DNAH1: variants seen among roughly 807,000 people sequenced by gnomAD.
The protein encoded by DNAH1 is axonemal beta dynein heavy chain 1.
Under a neutral mutation model 484.3 loss-of-function variants are expected in DNAH1, and 327 were observed. The observed-to-expected ratio is 0.68, with a 90% CI of 0.62 to 0.74. DNAH1 has a LOEUF of 0.74. DNAH1 is among the 30% of genes least tolerant of loss of function. DNAH1 has a pLI of 0.00. For synonymous variants in DNAH1, 2,192 were observed against 2,191.9 expected (o/e 1.00, Z 0.00); for missense variants, 5,052 against 5,546.8 (o/e 0.91, Z 2.83).
chr3:52,386,549 C>T (rs1249948008), intron 55 of DNAH1, 113 bp from the exon 56 acceptor site: 17 of 1,311,478 alleles, frequency 1.3e-5, no homozygotes, highest in South Asian at 1.1e-4. Context: ...TGGATATGCC[C>T]GTGTCCTGTG....
chr3:52,320,616 T>C (rs1329193509), intron 1 of DNAH1, among the ~76,000 whole-genome samples: 1 of 152,124 alleles, frequency 6.6e-6, no homozygotes, highest in Non-Finnish European at 1.5e-5. Context: ...CCATGATCCA[T>C]CAGGAGGCCT....
intron 8 of DNAH1, among the ~76,000 whole-genome samples, chr3:52,341,414 G>C (rs1701935474): frequency 6.6e-6 from 1 of 152,028 alleles, no homozygotes; most frequent in Non-Finnish European, 1.5e-5. Flanking sequence ...GAAGCAGCTG[G>C]TAAAATATGG....
chr3:52,358,427 C>T lies in DNAH1; in HGVS notation c.4087-131C>T, dbSNP rs922281109. The T allele has an allele frequency of 1.7e-5, 17 of 1,028,080 alleles. No homozygotes were observed. Among genetic ancestry groups the T allele is most frequent in the Middle Eastern group, 3.1e-4 (1 of 3,186 alleles). The allele number at this position is 1,028,080 out of a possible 1,614,324, so 63.7% of individuals were successfully genotyped here. On this transcript the variant is annotated intron_variant, in intron 24 of 77. Coordinates refer to ENST00000420323, the MANE Select transcript of DNAH1 (RefSeq NM_015512.5). This position sits in a 1 kb window ranked among gnomAD's most constrained non-coding sequence, Gnocchi z 4.2. Reference sequence around the variant, plus strand: ...GGAAGGCCCAGCCAAGATAGACTCTCGGGGGGACGGGAAGGCAGGGCTTTC... The same window carrying T: ...GGAAGGCCCAGCCAAGATAGACTCTTGGGGGGACGGGAAGGCAGGGCTTTC...
rs140883175 is a variant in DNAH1 at position 52,357,632 on chromosome 3, G to A, written c.3877G>A (p.Asp1293Asn). 330 of 1,600,730 alleles carry A rather than the reference G, an allele frequency of 2.1e-4. 2 individuals are homozygous for A. The highest frequency in any genetic ancestry group is 1.1e-3 in the Admixed American group (62 of 58,422). ...CCTGCAGGTGATCAATGTGTGTTCC[G>A]ACCTGAGAATGCTGGACAGCCTGCG... ...ENREVINVCS[D>N]LRMLDSLRDC... The change falls in exon 23 of 78, where the codon GAC becomes AAC. Residue 1293 changes from aspartate to asparagine, a missense_variant. By Grantham distance (23) the Asp-to-Asn change is conservative. Transcript: ENST00000420323.
Position 52,344,587 on chromosome 3 carries a change from C to T in DNAH1, c.1384C>T (p.Pro462Ser), listed in dbSNP as rs201341419. ...INFDHVVSSK[P>S]ETFSYVTLPK... Reference sequence around the variant, plus strand: ...CTTTGACCACGTTGTCTCTTCCAAGCCCGAGACCTTCTCCTACGTCACCCT... The same window carrying T: ...CTTTGACCACGTTGTCTCTTCCAAGTCCGAGACCTTCTCCTACGTCACCCT... The change falls in exon 9 of 78, where the codon CCC becomes TCC. Residue 462 changes from proline to serine, a missense_variant. Coordinates refer to ENST00000420323, the MANE Select transcript of DNAH1 (RefSeq NM_015512.5). 434 of 1,613,998 alleles carry T rather than the reference C, an allele frequency of 2.7e-4. No individual in the cohort carries two copies. The African/African-American group carries it at 4.9e-3, about 18-fold the overall frequency.
Position 52,372,348 on chromosome 3 carries a change from A to G in DNAH1, c.6788A>G (p.Asn2263Ser), listed in dbSNP as rs140407922. Reference sequence around the variant, plus strand: ...ACCTTCTCAGCCCGCACTTCAGCCAACCAGACCCAGGACTTCATTGACAGC... The same window carrying G: ...ACCTTCTCAGCCCGCACTTCAGCCAGCCAGACCCAGGACTTCATTGACAGC... ...FLTFSARTSA[N>S]QTQDFIDSKL... Residue 2263 changes from asparagine to serine, a missense_variant, in exon 43 of 78, where the codon AAC becomes AGC. Asn to Ser is a conservative substitution (Grantham distance 46, BLOSUM62 1). Coordinates refer to ENST00000420323, the MANE Select transcript of DNAH1 (RefSeq NM_015512.5). The G allele has an allele frequency of 6.3e-5, 101 of 1,613,960 alleles. No homozygotes were observed. The highest frequency in any genetic ancestry group is 2.9e-4 in the East Asian group (13 of 44,868).
Position 52,361,938 on chromosome 3 carries a change from C to T in DNAH1, c.4980+172C>T, listed in dbSNP as rs1001215311. The stretch of plus-strand genomic sequence containing the variant: ...TGTGGGCAGCTCCCAGGCCAAGCTG[C>T]GGGGGATGAAGGGGTCCCCTCCTCA... On this transcript the variant is annotated intron_variant, in intron 30 of 77. Transcript: ENST00000420323. This position sits in a 1 kb window ranked among gnomAD's most constrained non-coding sequence, Gnocchi z 5.6. Among the ~76,000 whole-genome samples, 4 of 152,206 alleles carry T rather than the reference C, an allele frequency of 2.6e-5. No individual in the cohort carries two copies. Among genetic ancestry groups the T allele is most frequent in the African/African-American group, 7.2e-5 (3 of 41,456 alleles).
chr3:52,345,359 G>A, intron 9 of DNAH1, 136 bp from the exon 10 acceptor site: 2 of 721,916 alleles, frequency 2.8e-6, no homozygotes, highest in Middle Eastern at 4.0e-4. Flanking sequence ...GGAAAGGCGG[G>A]GCTCTGGGAA....
At chr3:52,377,468 C>T (rs985044453) in intron 46 of DNAH1, among the ~76,000 whole-genome samples, 11 of 151,912 alleles carry the variant, frequency 7.2e-5, no homozygotes, top group African/African-American at 2.2e-4. Flanking sequence ...GTCTATCTTC[C>T]GCTTGGGGCC....
rs1465251660 is a variant in DNAH1, at chr3:52,388,259, T to C, written c.9096T>C (p.Ala3032=). The C allele has an allele frequency of 1.2e-6, 2 of 1,603,696 alleles. No homozygotes were observed. The highest frequency in any genetic ancestry group is 8.5e-7 in the Non-Finnish European group (1 of 1,175,270). Residue 3032 remains alanine (A), a synonymous_variant, in exon 57 of 78, where the codon GCT becomes GCC. Transcript: ENST00000420323. The part of the protein sequence containing the change: ...QPATIAKVSK[A]CTSICQWVRA... Reference sequence around the variant, plus strand: ...CCACCATTGCCAAGGTGTCCAAGGCTTGCACCTCCATCTGCCAGTGGGTGC... The same window carrying C: ...CCACCATTGCCAAGGTGTCCAAGGCCTGCACCTCCATCTGCCAGTGGGTGC...
chr3:52,374,061 T>A, intron 44 of DNAH1: 1 of 1,023,590 alleles, frequency 9.8e-7, no homozygotes, highest in Non-Finnish European at 1.6e-6. Flanking sequence ...TTGCAGCTTT[T>A]AAAGCTCTTT....
intron 12 of DNAH1, 98 bp from the exon 13 acceptor site, chr3:52,348,790 T>C (rs1702248182): frequency 1.5e-6 from 2 of 1,359,324 alleles, no homozygotes; most frequent in Non-Finnish European, 1.0e-6. Context: ...ATCCTGCCCC[T>C]GCTTGCCCTG....
Position 52,390,972 on chromosome 3 carries a change from A to G in DNAH1, c.9659A>G (p.Asn3220Ser), listed in dbSNP as rs575940287. Residue 3220 changes from asparagine (N) to serine (S), a missense_variant, in exon 61 of 78, where the codon AAC (asparagine) becomes AGC (serine). Transcript: ENST00000420323. ...GLPNDTLSVE[N>S]GVINQFSQRW... is the part of the protein sequence containing the mutation. ...CCCAACGACACACTGTCAGTGGAGA[A>G]CGGGGTCATCAACCAGTTTTCCCAG... is the stretch of plus-strand genomic sequence containing the variant. 1 of 1,552,530 alleles carries G rather than the reference A, an allele frequency of 6.4e-7. No individual in the cohort carries two copies. The highest frequency in any genetic ancestry group is 1.4e-5 in the African/African-American group (1 of 73,162).
Position 52,388,057 on chromosome 3 carries a change from C to T in DNAH1, c.9004-110C>T, listed in dbSNP as rs1417516871. The T allele has an allele frequency of 6.5e-6, 9 of 1,386,258 alleles. No homozygotes were observed. In the Admixed American group the frequency reaches 1.9e-4, roughly 29 times the overall value. The allele number at this position is 1,386,258 out of a possible 1,614,324, so 85.9% of individuals were successfully genotyped here. On this transcript the variant is annotated intron_variant, in intron 56 of 77. Transcript: ENST00000420323. ...GAGAAAGAATCTGTACTGAGGCCTG[C>T]ACAGGGCATAAAAGCCAGGGTGTCC... is the stretch of plus-strand genomic sequence containing the variant.
chr3:52,385,009 CAGCTGCCTGCA>C (rs777551647), intron 53 of DNAH1, 32 bp downstream of exon 53: 3 of 1,588,294 alleles, frequency 1.9e-6, no homozygotes, highest in Non-Finnish European at 2.6e-6. Context: ...TGGACAAGGT[CAGCTGCCTGCA>C]GGCTGCCTGC....
intron 76 of DNAH1, 106 bp downstream of exon 76, chr3:52,399,307 G>C (rs1559579640): frequency 4.8e-6 from 6 of 1,254,112 alleles, no homozygotes; most frequent in Admixed American, 2.2e-5. Context: ...CCCTAAGCCA[G>C]GGCATGGAAA....
chr3:52,384,053 A>C, intron 52 of DNAH1, 22 bp downstream of exon 52: 6 of 1,575,186 alleles, frequency 3.8e-6, no homozygotes, highest in Non-Finnish European at 5.2e-6. Context: ...GCTGAAGCTC[A>C]GGCCCTTGGG....
intron 41 of DNAH1, among the ~76,000 whole-genome samples, chr3:52,371,442 G>A (rs1307664060): frequency 2.6e-5 from 4 of 152,264 alleles, no homozygotes; most frequent in African/African-American, 4.8e-5. Context: ...ATCAGGGGAC[G>A]TCTGCAAGCT....
At position 52,395,465 on chromosome 3, in the gene DNAH1, A is replaced by C. The variant is rs773011742; in HGVS notation, c.11126A>C (p.Gln3709Pro). 1 of 1,613,790 alleles carries C rather than the reference A, an allele frequency of 6.2e-7. No individual in the cohort carries two copies. The highest frequency in any genetic ancestry group is 1.7e-5 in the Admixed American group (1 of 60,004). Reference sequence around the variant, plus strand: ...TCTGCCATCTCCCTGGGCCAGGGGCAGGTCAGGGCTAGGCAGGGAGGAAGG... The same window carrying C: ...TCTGCCATCTCCCTGGGCCAGGGGCCGGTCAGGGCTAGGCAGGGAGGAAGG... ...KLSAISLGQG[Q>P]GPRAEAMMRS... The change falls in exon 69 of 78, where the codon CAG becomes CCG. Residue 3709 changes from glutamine (Q) to proline (P), a missense_variant and splice_region_variant. Transcript: ENST00000420323. The surrounding 1 kb of genome is among the most constrained non-coding windows in gnomAD (Gnocchi z 4.4).
Sources: allele counts gnomAD v4.1 joint callset (sites outside exome capture counted in the v4.1 genomes callset), GRCh38; gene constraint gnomAD v4.1.1; non-coding constraint Gnocchi (gnomAD v3.1); transcripts MANE v1.5; gene names NCBI Gene and HGNC (gene_info 2026-07-23, HGNC 2026-07-21).